The following ASB4 variants were observed in gnomAD, a reference collection of about 807,000 sequenced individuals.
The protein encoded by ASB4 is ankyrin repeat and SOCS box containing 4, also known as ankyrin repeat and SOCS box protein 4.
Under a neutral mutation model 38.6 loss-of-function variants are expected in ASB4, and 35 were observed. The observed-to-expected ratio is 0.91, with a 90% CI of 0.69 to 1.20. The LOEUF is 1.20. Among genes scored for constraint, ASB4 ranks in the 50% most tolerant of loss-of-function variants. ASB4 has a pLI of 0.00. For missense variants in ASB4, 557 were observed against 527.2 expected, an observed-to-expected ratio of 1.06 and a Z score of -0.55; for synonymous variants, 195 against 201.3, an observed-to-expected ratio of 0.97 and a Z score of 0.26.
At chr7:95,509,877 G>T (rs779697877) in intron 2 of ASB4, among the ~76,000 whole-genome samples, 3 of 152,028 alleles carry the variant, frequency 2.0e-5, no homozygotes, top group Admixed American at 6.6e-5. Flanking sequence ...GTTGAATCAG[G>T]CCTCAGTACA....
intron 2 of ASB4, among the ~76,000 whole-genome samples, chr7:95,499,305 A>G (rs888147932): frequency 6.6e-6 from 1 of 152,234 alleles, no homozygotes; most frequent in Non-Finnish European, 1.5e-5. Context: ...GAATCTATGA[A>G]AAAGCCCCAA....
intron 2 of ASB4, among the ~76,000 whole-genome samples, chr7:95,499,283 A>T (rs537629243): frequency 6.6e-6 from 1 of 152,360 alleles, no homozygotes. Flanking sequence ...AAGAGTATAT[A>T]TAGAGAAAAG....
chr7:95,547,517 C>A, the ASB4 span, among the ~76,000 whole-genome samples: 1 of 152,186 alleles, frequency 6.6e-6, no homozygotes, highest in Non-Finnish European at 1.5e-5. Flanking sequence ...TGTGAATATA[C>A]CAAAATAAAT....
chr7:95,506,369 A>G (rs1363827042), intron 2 of ASB4, among the ~76,000 whole-genome samples: 1 of 152,128 alleles, frequency 6.6e-6, no homozygotes, highest in Non-Finnish European at 1.5e-5. Context: ...CTATCATCCC[A>G]GGGACACCCT....
At chr7:95,485,011 T>C (rs1790068280), upstream of ASB4, among the ~76,000 whole-genome samples, 1 of 146,882 alleles carries the variant, frequency 6.8e-6, no homozygotes, top group Non-Finnish European at 1.5e-5. Context: ...TATGTGTGTG[T>C]ATATATGTGT....
chr7:95,547,197 A>G, the ASB4 span, among the ~76,000 whole-genome samples: 1 of 152,222 alleles, frequency 6.6e-6, no homozygotes, highest in East Asian at 1.9e-4. Flanking sequence ...TGTATGAATG[A>G]TTACAAGTGT....
At chr7:95,532,759 G>A (rs986724511) in intron 3 of ASB4, among the ~76,000 whole-genome samples, 1 of 152,132 alleles carries the variant, frequency 6.6e-6, no homozygotes, top group Admixed American at 6.5e-5. Flanking sequence ...TTGGGGGTTG[G>A]ATGGTGAGAT....
chr7:95,478,890 A>G (rs774184578), intron 1 of ASB4, among the ~76,000 whole-genome samples: 3 of 152,212 alleles, frequency 2.0e-5, no homozygotes, highest in Non-Finnish European at 4.4e-5. Flanking sequence ...GAATACGCCG[A>G]ACTTTAGCGC....
Position 95,496,075 on chromosome 7 carries a change from G to A in ASB4, c.487+18G>A, listed in dbSNP as rs1790244495. ...TTGGAGAGGTAAGCCTTTCTGGGTG[G>A]CCAACATTGTTGTCTGCTTGTACAC... is the stretch of plus-strand genomic sequence containing the variant. On this transcript the variant is annotated intron_variant, in intron 2 of 4. Coordinates refer to ENST00000325885, the MANE Select transcript of ASB4 (RefSeq NM_016116.3). 5.0e-6 allele frequency: 8 copies of A among 1,601,328 alleles called. No homozygotes were observed. Among genetic ancestry groups the A allele is most frequent in the African/African-American group, 2.7e-5 (2 of 74,642 alleles).
the ASB4 span, among the ~76,000 whole-genome samples, chr7:95,471,596 A>G: frequency 6.4e-4 from 98 of 152,256 alleles, no homozygotes; most frequent in Non-Finnish European, 1.3e-3. Flanking sequence ...TATGTATCTA[A>G]ACTCATTTGG....
chr7:95,485,897 T>C (rs1790081241), upstream of ASB4: 23 of 1,336,328 alleles, frequency 1.7e-5, no homozygotes, highest in Non-Finnish European at 2.4e-5. Context: ...GTTTGTGGAC[T>C]CTCCAGCATG....
chr7:95,509,933 C>T (rs547187515), intron 2 of ASB4, among the ~76,000 whole-genome samples: 1 of 152,028 alleles, frequency 6.6e-6, no homozygotes, highest in African/African-American at 2.4e-5. Context: ...GTTTTGGGTC[C>T]GTGATGCTCC....
intron 4 of ASB4, 74 bp from the exon 5 acceptor site, chr7:95,537,497 G>A: frequency 7.5e-7 from 1 of 1,329,336 alleles, no homozygotes; most frequent in Non-Finnish European, 1.0e-6. Context: ...GAGGTTAGTT[G>A]CAGCATTGCT....
chr7:95,491,301 G>T (rs1465401638), intron 1 of ASB4, among the ~76,000 whole-genome samples: 1 of 152,132 alleles, frequency 6.6e-6, no homozygotes, highest in Non-Finnish European at 1.5e-5. Context: ...TCTTCTGCAA[G>T]GAGCTGTCAC....
chr7:95,498,207 A>C (rs2116594239), intron 2 of ASB4, among the ~76,000 whole-genome samples: 1 of 152,318 alleles, frequency 6.6e-6, no homozygotes, highest in South Asian at 2.1e-4. Context: ...ACGGTGGCTC[A>C]CACCTATAAT....
chr7:95,520,260 A>T (rs1225994574), intron 2 of ASB4, among the ~76,000 whole-genome samples: 2 of 152,178 alleles, frequency 1.3e-5, no homozygotes, highest in Non-Finnish European at 2.9e-5. Flanking sequence ...GGACAAAGGG[A>T]GCAGAAACAA....
the ASB4 span, among the ~76,000 whole-genome samples, chr7:95,546,832 A>G: frequency 6.6e-6 from 1 of 152,174 alleles, no homozygotes; most frequent in African/African-American, 2.4e-5. Context: ...AGAAGCATAG[A>G]ATTTTGCCAT....
At chr7:95,514,263 A>G (rs1004989126) in intron 2 of ASB4, among the ~76,000 whole-genome samples, 1 of 152,104 alleles carries the variant, frequency 6.6e-6, no homozygotes, top group Non-Finnish European at 1.5e-5. Flanking sequence ...CCGACACTAT[A>G]ACTTTGCCAC....
At chr7:95,477,572 A>G (rs1317484305), upstream of ASB4, among the ~76,000 whole-genome samples, 3 of 152,168 alleles carry the variant, frequency 2.0e-5, no homozygotes, top group African/African-American at 7.2e-5. Flanking sequence ...AACTACAGAA[A>G]GGCAGCGTTG....
Sources: allele counts gnomAD v4.1 joint callset (sites outside exome capture counted in the v4.1 genomes callset), GRCh38; gene constraint gnomAD v4.1.1; transcripts MANE v1.5; gene names NCBI Gene and HGNC (gene_info 2026-07-23, HGNC 2026-07-21).